Variants in ARHGEF4 observed in about 807,000 individuals in gnomAD.
ARHGEF4 encodes APC-stimulated guanine nucleotide exchange factor 1.
Under a neutral mutation model 162.0 loss-of-function variants are expected in ARHGEF4, and 119 were observed. The ratio of observed to expected loss-of-function variants is 0.73; its 90% confidence interval spans 0.63 to 0.86. The LOEUF is 0.86. Ranked by LOEUF, ARHGEF4 falls within the 40% of genes least tolerant of loss-of-function variation. The probability of loss-of-function intolerance (pLI) is 0.00; values close to 1 mark genes in which losing one functional copy is unlikely to be tolerated. For missense variants in ARHGEF4, 2,488 were observed against 2,456.0 expected, an observed-to-expected ratio of 1.01 and a Z score of -0.28; for synonymous variants, 1,014 against 979.9, an observed-to-expected ratio of 1.03 and a Z score of -0.65.
intron 4 of ARHGEF4, among the ~76,000 whole-genome samples, chr2:131,020,533 A>G (rs1230145334): frequency 6.6e-6 from 1 of 151,918 alleles, no homozygotes; most frequent in African/African-American, 2.4e-5. Flanking sequence ...ATCCTTTTTT[A>G]TGGATGCATA....
chr2:131,029,400 A>G (rs1051077275), intron 5 of ARHGEF4, among the ~76,000 whole-genome samples: 10 of 152,090 alleles, frequency 6.6e-5, no homozygotes, highest in African/African-American at 1.9e-4. Flanking sequence ...GCGCTACTCA[A>G]AATCCATGGT....
At chr2:130,993,345 A>G (rs1189730346) in intron 4 of ARHGEF4, among the ~76,000 whole-genome samples, 2 of 152,236 alleles carry the variant, frequency 1.3e-5, no homozygotes, top group African/African-American at 2.4e-5. Flanking sequence ...GTATTAGGAT[A>G]TAGAAAAATT....
chr2:130,913,504 T>C (rs938029779), intron 1 of ARHGEF4, among the ~76,000 whole-genome samples: 10 of 152,258 alleles, frequency 6.6e-5, no homozygotes, highest in Admixed American at 5.2e-4. Context: ...TGCTGTACTT[T>C]TTGTGTTTTT....
intron 4 of ARHGEF4, among the ~76,000 whole-genome samples, chr2:130,961,082 TG>T (rs1341997588): frequency 3.3e-5 from 5 of 152,160 alleles, no homozygotes; most frequent in Non-Finnish European, 7.4e-5. Flanking sequence ...CTCAGGCCCC[TG>T]AAAGTCCTGA....
chr2:130,917,399 G>A lies in ARHGEF4; in HGVS notation c.3453G>A (p.Thr1151=). The A allele has an allele frequency of 6.4e-7, 1 of 1,550,630 alleles. No individual in the cohort carries two copies. The highest frequency in any genetic ancestry group is 8.7e-7 in the Non-Finnish European group (1 of 1,147,016). Residue 1151 remains threonine, a synonymous_variant, in exon 2 of 14, where the codon ACG becomes ACA. Transcript: ENST00000409359. ...GQTSFLLSLQ[T]LNQDEQKEES... ...CCAGTTTCCTGCTTTCTCTGCAGAC[G>A]CTAAACCAAGATGAGCAGAAGGAAG...
chr2:131,044,940 G>A (rs1026516777), intron 12 of ARHGEF4, among the ~76,000 whole-genome samples: 2 of 152,136 alleles, frequency 1.3e-5, no homozygotes, highest in Non-Finnish European at 2.9e-5. Context: ...TGGGCTGTGG[G>A]TACTGGCCTC....
chr2:130,956,605 T>C (rs1054844287), intron 4 of ARHGEF4, among the ~76,000 whole-genome samples: 8 of 150,258 alleles, frequency 5.3e-5, no homozygotes, highest in African/African-American at 2.0e-4. Context: ...ATTAAGAAAA[T>C]GTGGCACATA....
intron 6 of ARHGEF4, chr2:131,039,809 A>G: frequency 7.1e-7 from 1 of 1,409,604 alleles, no homozygotes; most frequent in East Asian, 2.7e-5. Context: ...GATCACACTG[A>G]CGGCGGCTGC....
At chr2:130,873,676 G>T (rs1453395043) in intron 1 of ARHGEF4, among the ~76,000 whole-genome samples, 2 of 152,042 alleles carry the variant, frequency 1.3e-5, no homozygotes, top group Admixed American at 6.5e-5. Flanking sequence ...TCTAATTCCA[G>T]TTAGTGGCTA....
chr2:130,856,276 A>G (rs1356460813), intron 1 of ARHGEF4, among the ~76,000 whole-genome samples: 3 of 152,260 alleles, frequency 2.0e-5, no homozygotes, highest in African/African-American at 7.2e-5. Flanking sequence ...GAATCCATGA[A>G]CTTAATGAAT....
chr2:130,964,122 C>T, intron 4 of ARHGEF4: 2 of 964,746 alleles, frequency 2.1e-6, no homozygotes, highest in Non-Finnish European at 2.5e-6. Flanking sequence ...GCAGCAGCGC[C>T]GGGCTGTCCC....
chr2:130,976,454 C>T (rs1018617801), intron 4 of ARHGEF4, among the ~76,000 whole-genome samples: 3 of 152,020 alleles, frequency 2.0e-5, no homozygotes, highest in Non-Finnish European at 4.4e-5. Flanking sequence ...AGACGCTGCA[C>T]ACCTTTCCTG....
intron 4 of ARHGEF4, among the ~76,000 whole-genome samples, chr2:131,016,835 T>A (rs1688804051): frequency 6.6e-6 from 1 of 152,190 alleles, no homozygotes; most frequent in Non-Finnish European, 1.5e-5. Context: ...GGGCAGTAGG[T>A]CAGCATGGGA....
At position 130,916,286 on chromosome 2, in the gene ARHGEF4, G is replaced by A; in HGVS notation, c.2340G>A (p.Gly780=). The A allele has an allele frequency of 6.5e-7, 1 of 1,530,858 alleles. No individual in the cohort carries two copies. Among genetic ancestry groups the A allele is most frequent in the African/African-American group, 1.4e-5 (1 of 70,922 alleles). 94.8% of individuals were successfully genotyped at this position (1,530,858 alleles called of 1,614,324 possible). ...TGGAGCCGCCCCAGCCGCCACGCGG[G>A]CTCCGCAAGGGCGCGCAGGAGCCTG... ...PALEPPQPPR[G]LRKGAQEPGK... The change falls in exon 2 of 14, where the codon GGG becomes GGA. Residue 780 remains glycine, a synonymous_variant. Transcript: ENST00000409359.
intron 4 of ARHGEF4, among the ~76,000 whole-genome samples, chr2:130,993,579 G>A (rs972725549): frequency 6.6e-6 from 1 of 151,862 alleles, no homozygotes; most frequent in Non-Finnish European, 1.5e-5. Flanking sequence ...TTTGCTTTAT[G>A]TATTTAGAGG....
Position 131,046,562 on chromosome 2 carries a change from C to T in ARHGEF4, c.*373C>T, listed in dbSNP as rs1028699580. ...CCCTCTTCTCTGGAAACCTAATCCT[C>T]CTTTCATTTCCTCTGGGCAGGACTC... On this transcript the variant is annotated 3_prime_UTR_variant, in exon 14 of 14. Coordinates refer to ENST00000409359, the MANE Select transcript of ARHGEF4 (RefSeq NM_001367493.1). The T allele has an allele frequency of 1.6e-5, 3 of 183,862 alleles. No homozygotes were observed. Among genetic ancestry groups the T allele is most frequent in the Non-Finnish European group, 3.4e-5 (3 of 88,674 alleles). The allele number at this position is 183,862 out of a possible 1,614,324, so 11.4% of individuals were successfully genotyped here. A position where few individuals can be genotyped will look rare whatever the true frequency, so the allele number is the denominator to read the frequency against.
At chr2:131,009,814 C>T (rs1036097144) in intron 4 of ARHGEF4, among the ~76,000 whole-genome samples, 3 of 152,194 alleles carry the variant, frequency 2.0e-5, no homozygotes, top group Non-Finnish European at 2.9e-5. Context: ...ACACCTGCAT[C>T]GCCTAAGTGC....
intron 1 of ARHGEF4, among the ~76,000 whole-genome samples, chr2:130,873,878 T>TG (rs1678652062): frequency 6.6e-6 from 1 of 152,124 alleles, no homozygotes; most frequent in South Asian, 2.1e-4. Context: ...GACAGCTGTT[T>TG]GGGGTTCCTT....
At chr2:130,855,591 T>G (rs1681720148) in intron 1 of ARHGEF4, among the ~76,000 whole-genome samples, 2 of 152,152 alleles carry the variant, frequency 1.3e-5, no homozygotes, top group African/African-American at 4.8e-5. Context: ...CCCAGGTTTT[T>G]ATTGGGGTCA....
Sources: allele counts gnomAD v4.1 joint callset (sites outside exome capture counted in the v4.1 genomes callset), GRCh38; gene constraint gnomAD v4.1.1; transcripts MANE v1.5; gene names NCBI Gene and HGNC (gene_info 2026-07-23, HGNC 2026-07-21).